Variants in POLA1 observed in about 807,000 individuals in gnomAD.
POLA1 encodes DNA polymerase alpha catalytic subunit.
Under a neutral mutation model 124.0 loss-of-function variants are expected in POLA1, and 15 were observed. The observed-to-expected ratio is 0.12, with a 90% CI of 0.08 to 0.19. POLA1 has a LOEUF of 0.19. POLA1 is among the 10% of genes least tolerant of loss of function. The pLI is 1.00. For missense variants in POLA1, 886 were observed against 1,103.4 expected, an observed-to-expected ratio of 0.80 and a Z score of 2.79; for synonymous variants, 408 against 389.4, an observed-to-expected ratio of 1.05 and a Z score of -0.56.
At chrX:24,908,116 A>T (rs2047393556) in intron 35 of POLA1, among the ~76,000 whole-genome samples, 1 of 111,402 alleles carries the variant, frequency 9.0e-6, no homozygotes, top group South Asian at 3.8e-4. Flanking sequence ...AATGGGAAAG[A>T]GGAAGGAATA....
At chrX:24,813,144 T>C (rs1360325211) in intron 29 of POLA1, among the ~76,000 whole-genome samples, 2 of 111,224 alleles carry the variant, frequency 1.8e-5, no homozygotes, top group Admixed American at 9.6e-5. Context: ...ACACTTCAGA[T>C]CCTTATAGAG....
chrX:24,869,357 A>G (rs2046836974), intron 34 of POLA1, among the ~76,000 whole-genome samples: 2 of 112,516 alleles, frequency 1.8e-5, no homozygotes, highest in South Asian at 3.7e-4. Flanking sequence ...ATGGGAACAC[A>G]CCCAAAGGCT....
intron 26 of POLA1, among the ~76,000 whole-genome samples, chrX:24,761,742 T>C (rs1179828826): frequency 8.9e-6 from 1 of 112,175 alleles, no homozygotes; most frequent in Non-Finnish European, 1.9e-5. Flanking sequence ...GCTGAATATA[T>C]TTAATTCAAT....
At chrX:24,959,347 G>A (rs896768631) in intron 36 of POLA1, among the ~76,000 whole-genome samples, 1 of 109,888 alleles carries the variant, frequency 9.1e-6, no homozygotes, top group Non-Finnish European at 1.9e-5. Context: ...GCCTGTAATC[G>A]CAGCTACTCA....
At chrX:24,712,195 C>T (rs1162869100) in intron 4 of POLA1, among the ~76,000 whole-genome samples, 2 of 110,986 alleles carry the variant, frequency 1.8e-5, no homozygotes, top group African/African-American at 6.6e-5. Context: ...AAGCGATTCT[C>T]CTGCCTCAGC....
At chrX:24,732,557 C>A in intron 16 of POLA1, 103 bp downstream of exon 16, 17 of 395,205 alleles carry the variant, frequency 4.3e-5, no homozygotes, top group East Asian at 1.6e-4. Flanking sequence ...AAATTGTTTT[C>A]AAGAATAGTG....
At chrX:24,749,166 CGTGT>C (rs1226301302) in intron 26 of POLA1, among the ~76,000 whole-genome samples, 174 bp downstream of exon 26, 1 of 110,862 alleles carries the variant, frequency 9.0e-6, no homozygotes, top group Non-Finnish European at 1.9e-5. Context: ...TTCATTAATT[CGTGT>C]GTGTGTGTAT....
rs1241822293 is a variant in POLA1 at position 24,841,948 on chromosome X, T to G, written c.3915+118T>G. 1.1e-5 allele frequency: 5 copies of G among 466,819 alleles called. No individual in the cohort carries two copies. In the East Asian group the frequency reaches 2.0e-4, roughly 19 times the overall value. The allele number at this position is 466,819 out of a possible 1,213,427, so 38.5% of individuals were successfully genotyped here. On this transcript the variant is annotated intron_variant, in intron 33 of 36. Coordinates refer to ENST00000379068, the MANE Select transcript of POLA1 (RefSeq NM_001330360.2). Reference sequence around the variant, plus strand: ...AACACACACATGTTGCTTTCATGTGTTTAAAGAATTTTAGCATCATGTGAA... The same window carrying G: ...AACACACACATGTTGCTTTCATGTGGTTAAAGAATTTTAGCATCATGTGAA...
chrX:24,733,735 A>AT lies in POLA1; in HGVS notation c.1772-12dup, dbSNP rs758157161. The AT allele has an allele frequency of 4.1e-5, 40 of 964,857 alleles. No homozygotes were observed. The highest frequency in any genetic ancestry group is 5.3e-5 in the Admixed American group (2 of 37,639). The allele number at this position is 964,857 out of a possible 1,213,427, so 79.5% of individuals were successfully genotyped here. A position where few individuals can be genotyped will look rare whatever the true frequency, so the allele number is the denominator to read the frequency against. On this transcript the variant is annotated intron_variant, in intron 16 of 36. Transcript: ENST00000379068. ...GACTAAGATGGGTGTTGGAATCTTT[A>AT]TTTTTTTTCCTTTTTACAGTTGTGT...
At position 24,995,923 on chromosome X, in the gene POLA1, C is replaced by A; in HGVS notation, c.4380C>A (p.Leu1460=). The A allele has an allele frequency of 1.7e-6, 2 of 1,210,841 alleles. No homozygotes were observed. The highest frequency in any genetic ancestry group is 2.2e-6 in the Non-Finnish European group (2 of 895,102). Residue 1460 remains leucine (L), a synonymous_variant, in exon 37 of 37, where the codon CTC becomes CTA. Transcript: ENST00000379068. The stretch of plus-strand genomic sequence containing the variant: ...ACTCCGAAGTGAATCTGAGCAAACT[C>A]TTCGCTGGTTGTGCCGTGAAATCCT... The part of the protein sequence containing the change: ...SGYSEVNLSK[L]FAGCAVKS
chrX:24,926,381 G>A (rs1004829322), intron 35 of POLA1, among the ~76,000 whole-genome samples: 4 of 111,309 alleles, frequency 3.6e-5, no homozygotes, highest in African/African-American at 9.8e-5. Flanking sequence ...CTTGCTCTGC[G>A]TACTGATCAC....
At chrX:24,852,060 C>G (rs757073474) in intron 34 of POLA1, among the ~76,000 whole-genome samples, 2 of 112,042 alleles carry the variant, frequency 1.8e-5, no homozygotes, top group African/African-American at 6.5e-5. Context: ...GAAATCAGCC[C>G]TTTGTAGATA....
At chrX:24,983,709 C>CA (rs2048447828) in intron 36 of POLA1, among the ~76,000 whole-genome samples, 2 of 111,672 alleles carry the variant, frequency 1.8e-5, no homozygotes, top group South Asian at 7.6e-4. Flanking sequence ...CTAAAGCTTG[C>CA]AAAAAAAGGC....
At chrX:24,938,529 T>G (rs1569369453) in intron 36 of POLA1, among the ~76,000 whole-genome samples, 1 of 112,382 alleles carries the variant, frequency 8.9e-6, no homozygotes, top group African/African-American at 3.2e-5. Flanking sequence ...ATTACAACAT[T>G]GATTTAGTAG....
intron 32 of POLA1, among the ~76,000 whole-genome samples, chrX:24,833,859 A>G (rs1161099690): frequency 8.9e-6 from 1 of 112,196 alleles, no homozygotes; most frequent in Non-Finnish European, 1.9e-5. Flanking sequence ...GGGAGGCAGG[A>G]GGATGGCTTG....
chrX:24,722,512 G>T (rs1930262489), intron 10 of POLA1, among the ~76,000 whole-genome samples: 2 of 112,003 alleles, frequency 1.8e-5, no homozygotes, highest in Admixed American at 9.5e-5. Flanking sequence ...TTATTATATG[G>T]AATAAGAAAT....
At chrX:24,899,841 G>A (rs967264518) in intron 35 of POLA1, among the ~76,000 whole-genome samples, 3 of 111,572 alleles carry the variant, frequency 2.7e-5, no homozygotes, top group African/African-American at 9.8e-5. Flanking sequence ...CTTTCCTGCC[G>A]TCTTATGCCT....
intron 26 of POLA1, among the ~76,000 whole-genome samples, chrX:24,793,308 G>T (rs1353229583): frequency 1.1e-5 from 1 of 95,148 alleles, no homozygotes; most frequent in Non-Finnish European, 2.1e-5. Context: ...AAAAAAAAAG[G>T]CCTAGATTTT....
At chrX:24,784,489 G>C (rs988328379) in intron 26 of POLA1, among the ~76,000 whole-genome samples, 3 of 110,415 alleles carry the variant, frequency 2.7e-5, no homozygotes, top group African/African-American at 9.9e-5. Context: ...TTCAAGACCA[G>C]CCTGGCCAAC....
Sources: gnomAD v4.1 joint callset for allele counts (sites outside exome capture counted in the v4.1 genomes callset) on GRCh38, gnomAD v4.1.1 for gene constraint, MANE v1.5 for transcripts, NCBI Gene and HGNC (gene_info 2026-07-23, HGNC 2026-07-21) for gene names.